COL5A2: variants seen among roughly 807,000 people sequenced by gnomAD.
The protein encoded by COL5A2 is collagen alpha-2(V) chain.
COL5A2 carries 23 observed loss-of-function variants against 208.2 expected under a neutral mutation model. The observed-to-expected ratio is 0.11, with a 90% CI of 0.08 to 0.16. The LOEUF is 0.16. Among genes scored for constraint, COL5A2 ranks in the 10% least tolerant of loss-of-function variants. The pLI is 1.00. For synonymous variants in COL5A2, 625 were observed against 628.5 expected (o/e 0.99, Z 0.08); for missense variants, 1,590 against 1,956.4 (o/e 0.81, Z 3.53).
the COL5A2 span, among the ~76,000 whole-genome samples, chr2:189,397,661 CTT>C: frequency 6.6e-6 from 1 of 151,828 alleles, no homozygotes; most frequent in Middle Eastern, 3.2e-3. Flanking sequence ...ATGATGTCTC[CTT>C]TTTCATTTCA....
the COL5A2 span, among the ~76,000 whole-genome samples, chr2:189,407,598 G>A: frequency 6.6e-6 from 1 of 152,010 alleles, no homozygotes; most frequent in African/African-American, 2.4e-5. Context: ...ATGCTCCATC[G>A]TCCCAGCAGC....
the COL5A2 span, among the ~76,000 whole-genome samples, chr2:189,277,752 C>T: frequency 2.6e-5 from 4 of 152,100 alleles, no homozygotes; most frequent in Non-Finnish European, 4.4e-5. Flanking sequence ...CTCACTAAAA[C>T]TATTCTAAAA....
intron 7 of COL5A2, among the ~76,000 whole-genome samples, chr2:189,090,325 G>A (rs1011441840): frequency 2.0e-5 from 3 of 152,164 alleles, no homozygotes; most frequent in Non-Finnish European, 4.4e-5. Flanking sequence ...CAAGGAAGTG[G>A]CAGAAGAAAA....
chr2:189,430,557 C>T, the COL5A2 span, among the ~76,000 whole-genome samples: 7 of 152,324 alleles, frequency 4.6e-5, no homozygotes, highest in East Asian at 9.7e-4. Context: ...TGCCTGGCTC[C>T]GCAGGACCCA....
At chr2:189,039,586 G>T (rs777783510) in intron 50 of COL5A2, 23 bp from the exon 51 acceptor site, 1 of 1,609,760 alleles carries the variant, frequency 6.2e-7, no homozygotes, top group Non-Finnish European at 8.5e-7. Context: ...AGATTGGAAA[G>T]ACATTTAACA....
At chr2:189,225,639 G>C (rs1327992859), upstream of COL5A2, among the ~76,000 whole-genome samples, 5 of 151,750 alleles carry the variant, frequency 3.3e-5, no homozygotes, top group African/African-American at 1.2e-4. Context: ...TAGTTTTTCA[G>C]CAAAAAGAGA....
chr2:189,384,173 T>C, the COL5A2 span, among the ~76,000 whole-genome samples: 15 of 152,270 alleles, frequency 9.9e-5, no homozygotes, highest in African/African-American at 3.6e-4. Context: ...GGCACTTAGA[T>C]TGATTTTATA....
intron 1 of COL5A2, among the ~76,000 whole-genome samples, chr2:189,224,240 A>G (rs547686089): frequency 2.0e-5 from 3 of 152,260 alleles, no homozygotes; most frequent in African/African-American, 7.2e-5. Flanking sequence ...AAAATAAATG[A>G]CACTGAAGTC....
chr2:189,413,980 C>T, the COL5A2 span, among the ~76,000 whole-genome samples: 10 of 151,742 alleles, frequency 6.6e-5, no homozygotes, highest in South Asian at 2.1e-4. Context: ...TTAGTAGAGA[C>T]GGGGTTTCAC....
chr2:189,068,361 A>G (rs184264860), intron 19 of COL5A2, 91 bp from the exon 20 acceptor site: 165 of 1,111,134 alleles, frequency 1.5e-4, no homozygotes, highest in Non-Finnish European at 2.2e-4. Context: ...ATCTTCAAAA[A>G]GGAAGTAGAA....
chr2:189,119,580 T>C (rs959018502), intron 1 of COL5A2, among the ~76,000 whole-genome samples: 1 of 152,124 alleles, frequency 6.6e-6, no homozygotes, highest in Non-Finnish European at 1.5e-5. Flanking sequence ...ATTTTATCAT[T>C]ATTGTATAAT....
intron 16 of COL5A2, among the ~76,000 whole-genome samples, chr2:189,077,925 G>T (rs1686446018): frequency 6.6e-6 from 1 of 152,200 alleles, no homozygotes; most frequent in Non-Finnish European, 1.5e-5. Flanking sequence ...ATATTAGTCA[G>T]CATAGCCTGA....
the COL5A2 span, among the ~76,000 whole-genome samples, chr2:189,396,509 T>TA: frequency 2.0e-5 from 3 of 149,502 alleles, no homozygotes; most frequent in Non-Finnish European, 4.4e-5. Context: ...CCGTCTCTAC[T>TA]AAAAATACAA....
At chr2:189,107,516 T>C (rs1181186727) in intron 2 of COL5A2, among the ~76,000 whole-genome samples, 1 of 151,450 alleles carries the variant, frequency 6.6e-6, no homozygotes, top group Admixed American at 6.6e-5. Flanking sequence ...TTCAGTTTTC[T>C]CACTTTTCAA....
chr2:189,283,059 C>T, the COL5A2 span, among the ~76,000 whole-genome samples: 3 of 152,040 alleles, frequency 2.0e-5, no homozygotes, highest in Non-Finnish European at 2.9e-5. Flanking sequence ...TAAATTTCCT[C>T]CTGTGGCAAC....
chr2:189,289,536 G>C, the COL5A2 span, among the ~76,000 whole-genome samples: 43 of 152,086 alleles, frequency 2.8e-4, no homozygotes, highest in African/African-American at 1.0e-3. Context: ...TCTAGCAAGA[G>C]CATTAGTCAA....
chr2:189,302,604 C>T, the COL5A2 span, among the ~76,000 whole-genome samples: 5 of 152,130 alleles, frequency 3.3e-5, no homozygotes, highest in Non-Finnish European at 4.4e-5. Context: ...TTCACAATTT[C>T]GGTTACCTGT....
intron 40 of COL5A2, 55 bp downstream of exon 40, chr2:189,052,694 C>T: frequency 6.7e-7 from 1 of 1,494,150 alleles, no homozygotes; most frequent in Non-Finnish European, 9.3e-7. Context: ...GACCAGGAAG[C>T]ACTAGGTAAC....
intron 1 of COL5A2, among the ~76,000 whole-genome samples, chr2:189,121,416 T>C (rs1687497414): frequency 6.6e-6 from 1 of 152,088 alleles, no homozygotes; most frequent in African/African-American, 2.4e-5. Context: ...TTTAATTTCT[T>C]TACCATCTCT....
Sources: gnomAD v4.1 joint callset for allele counts (sites outside exome capture counted in the v4.1 genomes callset) on GRCh38, gnomAD v4.1.1 for gene constraint, MANE v1.5 for transcripts, NCBI Gene and HGNC (gene_info 2026-07-23, HGNC 2026-07-21) for gene names.